The following SMOC2 variants were observed in gnomAD, a reference collection of about 807,000 sequenced individuals.
SMOC2 encodes SPARC related modular calcium binding 2, also known as SPARC-related modular calcium-binding protein 2.
A neutral mutation model predicts 61.4 loss-of-function variants in SMOC2; 39 were observed. The observed-to-expected ratio is 0.64, with a 90% CI of 0.49 to 0.83. SMOC2 has a LOEUF of 0.83. Among genes scored for constraint, SMOC2 ranks in the 40% least tolerant of loss-of-function variants. The probability of loss-of-function intolerance (pLI) is 0.00; values close to 1 mark genes in which losing one functional copy is unlikely to be tolerated. For missense variants in SMOC2, 556 were observed against 592.9 expected, an observed-to-expected ratio of 0.94 and a Z score of 0.65; for synonymous variants, 247 against 239.9, an observed-to-expected ratio of 1.03 and a Z score of -0.27.
At chr6:168,525,957 G>A (rs11965737) in intron 2 of SMOC2, among the ~76,000 whole-genome samples, 16,683 of 152,176 alleles carry the variant, frequency 0.11, 1,081 homozygotes, top group South Asian at 0.18. Flanking sequence ...TCAGGTGGTC[G>A]TCCTTGGATC....
intron 4 of SMOC2, among the ~76,000 whole-genome samples, chr6:168,539,304 G>A (rs1486548960): frequency 6.6e-6 from 1 of 152,190 alleles, no homozygotes; most frequent in Non-Finnish European, 1.5e-5. Context: ...TGTTTGAGCT[G>A]CCACTGACAG....
chr6:168,599,299 C>A (rs1398512542), intron 8 of SMOC2, among the ~76,000 whole-genome samples: 1 of 130,038 alleles, frequency 7.7e-6, no homozygotes, highest in East Asian at 2.5e-4. Context: ...CACACACATA[C>A]CACACACACA....
At chr6:168,637,297 G>A (rs972756468) in intron 9 of SMOC2, among the ~76,000 whole-genome samples, 1 of 152,118 alleles carries the variant, frequency 6.6e-6, no homozygotes. Context: ...GGTGGCCGCG[G>A]CCTTCTTGGG....
At chr6:168,592,102 C>A (rs1785194461) in intron 7 of SMOC2, among the ~76,000 whole-genome samples, 1 of 152,254 alleles carries the variant, frequency 6.6e-6, no homozygotes, top group African/African-American at 2.4e-5. Flanking sequence ...TGTCCTGTGT[C>A]TACCGGTCCC....
chr6:168,569,318 G>A (rs776611970), intron 7 of SMOC2, among the ~76,000 whole-genome samples: 9 of 152,268 alleles, frequency 5.9e-5, no homozygotes, highest in Non-Finnish European at 1.3e-4. Flanking sequence ...TTTGGTATCT[G>A]TATATCTTCT....
At chr6:168,441,572 C>T in intron 1 of SMOC2, 118 bp downstream of exon 1, 9 of 1,308,608 alleles carry the variant, frequency 6.9e-6, no homozygotes, top group Middle Eastern at 2.8e-4. Flanking sequence ...AGCAGGTGGC[C>T]CCGGGGGCCG....
intron 11 of SMOC2, among the ~76,000 whole-genome samples, chr6:168,660,478 G>A (rs889615588): frequency 6.6e-6 from 1 of 152,222 alleles, no homozygotes; most frequent in Non-Finnish European, 1.5e-5. Flanking sequence ...AGACTGAAAT[G>A]AAGGTAACTT....
intron 1 of SMOC2, among the ~76,000 whole-genome samples, chr6:168,479,164 G>A (rs1032633716): frequency 2.0e-5 from 3 of 151,132 alleles, no homozygotes; most frequent in South Asian, 2.1e-4. Flanking sequence ...ACCCTGTCTC[G>A]GGAAAAGGAG....
chr6:168,546,413 CA>C (rs1784001363), intron 5 of SMOC2, among the ~76,000 whole-genome samples: 1 of 152,082 alleles, frequency 6.6e-6, no homozygotes, highest in Non-Finnish European at 1.5e-5. Flanking sequence ...CTTTCTTTAC[CA>C]GGGGGCCCAA....
intron 1 of SMOC2, among the ~76,000 whole-genome samples, chr6:168,469,446 A>G (rs1781920409): frequency 6.6e-6 from 1 of 152,256 alleles, no homozygotes; most frequent in African/African-American, 2.4e-5. Context: ...ACTAGTTTAT[A>G]TAAACATGCA....
At chr6:168,483,590 T>C (rs1169881402) in intron 1 of SMOC2, among the ~76,000 whole-genome samples, 6 of 152,110 alleles carry the variant, frequency 3.9e-5, no homozygotes, top group Non-Finnish European at 8.8e-5. Context: ...TTTGTATAAA[T>C]AGCAAAATTC....
chr6:168,606,913 C>T (rs1164335463), intron 8 of SMOC2, among the ~76,000 whole-genome samples: 4 of 152,090 alleles, frequency 2.6e-5, no homozygotes, highest in East Asian at 3.9e-4. Context: ...AAGGATTCCA[C>T]GTGCCTGACA....
chr6:168,500,831 T>C (rs948506949), intron 1 of SMOC2, among the ~76,000 whole-genome samples: 10 of 152,188 alleles, frequency 6.6e-5, no homozygotes, highest in African/African-American at 2.4e-4. Context: ...TTCACACTCA[T>C]CCAGGGGCAT....
intron 8 of SMOC2, 146 bp downstream of exon 8, chr6:168,599,150 TACCC>T (rs1249323968): frequency 2.5e-5 from 17 of 684,806 alleles, no homozygotes; most frequent in Admixed American, 1.2e-4. Flanking sequence ...ACCACACACA[TACCC>T]ACACACACCC....
At position 168,652,934 on chromosome 6, in the gene SMOC2, G is replaced by A. The variant is rs757145900; in HGVS notation, c.1011-20G>A. The stretch of plus-strand genomic sequence containing the variant: ...AGCCCAGGGGTTTAAGCATCCTGAC[G>A]GCATCTGTGTTCCTTCCAGGCTCTC... On this transcript the variant is annotated intron_variant, in intron 10 of 12. Coordinates refer to ENST00000356284, the MANE Select transcript of SMOC2 (RefSeq NM_001166412.2). 6 of 1,608,688 alleles carry A rather than the reference G, an allele frequency of 3.7e-6. No homozygotes were observed. Among genetic ancestry groups the A allele is most frequent in the African/African-American group, 2.7e-5 (2 of 74,594 alleles).
intron 4 of SMOC2, among the ~76,000 whole-genome samples, chr6:168,528,499 A>G (rs1007766218): frequency 2.0e-5 from 3 of 152,236 alleles, no homozygotes; most frequent in Admixed American, 1.3e-4. Context: ...CTCATGTACA[A>G]TCTTGAAACA....
chr6:168,515,234 C>T (rs536076454), intron 2 of SMOC2, among the ~76,000 whole-genome samples: 295 of 152,252 alleles, frequency 1.9e-3, no homozygotes, highest in Middle Eastern at 0.01. Flanking sequence ...CAAAGTAGGT[C>T]TCACTTAAAT....
chr6:168,640,158 A>G (rs1786856170), intron 9 of SMOC2, among the ~76,000 whole-genome samples: 3 of 142,330 alleles, frequency 2.1e-5, no homozygotes, highest in African/African-American at 8.1e-5. Flanking sequence ...CCTCGTGGAT[A>G]TCAGCACACG....
intron 11 of SMOC2, among the ~76,000 whole-genome samples, chr6:168,663,035 C>T (rs548666859): frequency 1.2e-4 from 18 of 152,266 alleles, no homozygotes; most frequent in South Asian, 1.0e-3. Flanking sequence ...ATAATCTGGA[C>T]TGAGGAGAGA....
Sources: gnomAD v4.1 joint callset for allele counts (sites outside exome capture counted in the v4.1 genomes callset) on GRCh38, gnomAD v4.1.1 for gene constraint, MANE v1.5 for transcripts, NCBI Gene and HGNC (gene_info 2026-07-23, HGNC 2026-07-21) for gene names.